CDH23: variants seen among roughly 807,000 people sequenced by gnomAD.
CDH23 encodes cadherin-23.
CDH23 carries 189 observed loss-of-function variants against 317.1 expected under a neutral mutation model. The observed-to-expected ratio is 0.60, with a 90% CI of 0.53 to 0.67. CDH23 has a LOEUF of 0.67. Among genes scored for constraint, CDH23 ranks in the 30% least tolerant of loss-of-function variants. The pLI is 0.00. For synonymous variants in CDH23, 1,839 were observed against 1,876.8 expected, an observed-to-expected ratio of 0.98 and a Z score of 0.52; for missense variants, 4,401 against 4,592.4, an observed-to-expected ratio of 0.96 and a Z score of 1.20.
In CDH23 at chr10:71,807,827, C is replaced by T. The variant is rs750168849; in HGVS notation, c.8561-19C>T. On this transcript the variant is annotated intron_variant, in intron 59 of 69. Transcript: ENST00000224721. Reference sequence around the variant, plus strand: ...GTGGCCCCTGCCCTGCCACTTACACCACCTGCCTCTTCCTGCAGGGGTGGC... The same window carrying T: ...GTGGCCCCTGCCCTGCCACTTACACTACCTGCCTCTTCCTGCAGGGGTGGC... The T allele has an allele frequency of 6.9e-6, 11 of 1,594,688 alleles. No homozygotes were observed. The highest frequency in any genetic ancestry group is 1.1e-5 in the South Asian group (1 of 88,300).
At chr10:71,408,708 G>T (rs1202652708) in intron 1 of CDH23, among the ~76,000 whole-genome samples, 1 of 152,200 alleles carries the variant, frequency 6.6e-6, no homozygotes, top group African/African-American at 2.4e-5. Context: ...TAATACAGCG[G>T]GAGAGAGGCT....
At chr10:71,670,773 G>A (rs141360118) in intron 14 of CDH23, among the ~76,000 whole-genome samples, 8 of 152,196 alleles carry the variant, frequency 5.3e-5, no homozygotes, top group African/African-American at 9.6e-5. Flanking sequence ...TTTAGCTACC[G>A]GCTTTGACTT....
At chr10:71,637,727 A>T (rs956380767) in intron 11 of CDH23, among the ~76,000 whole-genome samples, 1 of 151,998 alleles carries the variant, frequency 6.6e-6, no homozygotes, top group Admixed American at 6.5e-5. Context: ...CGCACTCCAG[A>T]TTCCCAGCCC....
Position 71,751,316 on chromosome 10 carries a change from A to C in CDH23, c.4845+9395A>C, listed in dbSNP as rs899177548. 1 of 1,606,222 alleles carries C rather than the reference A, an allele frequency of 6.2e-7. No homozygotes were observed. The highest frequency in any genetic ancestry group is 8.5e-7 in the Non-Finnish European group (1 of 1,175,804). On this transcript the variant is annotated intron_variant, in intron 38 of 69. Coordinates refer to ENST00000224721, the MANE Select transcript of CDH23 (RefSeq NM_022124.6). The surrounding 1 kb of genome is among the most constrained non-coding windows in gnomAD (Gnocchi z 4.9). ...CTGCAAGAAAAGGAGAAGCAAAGTG[A>C]ACGGGGCCCCTCTGCCCCTCACCCT...
intron 14 of CDH23, among the ~76,000 whole-genome samples, chr10:71,665,868 C>T (rs1265235829): frequency 2.6e-5 from 4 of 152,202 alleles, no homozygotes; most frequent in Admixed American, 2.6e-4. Flanking sequence ...GGGAGAAGCA[C>T]ATTTCTCACT....
At position 71,687,734 on chromosome 10, in the gene CDH23, C is replaced by G. The variant is rs778267394; in HGVS notation, c.2059+15C>G. 6.2e-7 allele frequency: 1 copy of G among 1,610,852 alleles called. No individual in the cohort carries two copies. Among genetic ancestry groups the G allele is most frequent in the Admixed American group, 1.7e-5 (1 of 59,892 alleles). ...CATCATGGCAGGTACAGGCTCAGGT[C>G]GGGGGGTGGGGGGCACATGGAGGTA... On this transcript the variant is annotated intron_variant, in intron 19 of 69. Coordinates refer to ENST00000224721, the MANE Select transcript of CDH23 (RefSeq NM_022124.6).
In CDH23 at chr10:71,403,408, T is replaced by TCTTCCTTCCTTC. The variant is rs1176829681; in HGVS notation, c.-6+6126_-6+6137dup. On this transcript the variant is annotated intron_variant, in intron 1 of 69. Transcript: ENST00000224721. The stretch of plus-strand genomic sequence containing the variant: ...CTTTCTTTCTTTCTTTCTTTCTTTC[T>TCTTCCTTCCTTC]CTTCCTTCCTTCCTTCCTTCCTTCC... Among the ~76,000 whole-genome samples the TCTTCCTTCCTTC allele has an allele frequency of 1.1e-4, 6 of 57,110 alleles. 2 individuals are homozygous for TCTTCCTTCCTTC. Among genetic ancestry groups the TCTTCCTTCCTTC allele is most frequent in the Admixed American group, 6.1e-4 (3 of 4,920 alleles). The allele number at this position is 57,110 out of a possible 152,430, so 37.5% of individuals were successfully genotyped here. A position where few individuals can be genotyped will look rare whatever the true frequency, so the allele number is the denominator to read the frequency against.
intron 3 of CDH23, among the ~76,000 whole-genome samples, chr10:71,455,212 A>AT (rs1326777919): frequency 1.3e-5 from 2 of 152,176 alleles, no homozygotes; most frequent in East Asian, 3.8e-4. Context: ...AATTGTACAG[A>AT]GTTCCCATAT....
rs771032895 is a variant in CDH23, at chr10:71,793,579, G to A, written c.6651G>A (p.Lys2217=). The A allele has an allele frequency of 5.0e-6, 8 of 1,611,116 alleles. No homozygotes were observed. The South Asian group carries it at 7.7e-5, about 15-fold the overall frequency. Residue 2217 remains lysine, a synonymous_variant, in exon 48 of 70, where the codon AAG becomes AAA. Coordinates refer to ENST00000224721, the MANE Select transcript of CDH23 (RefSeq NM_022124.6). ...ACCACATTGTCGGCATTGTGGCCAA[G>A]GACGACACTGATCGCCTGGTGCCCA... The part of the protein sequence containing the change: ...LEYHIVGIVA[K]DDTDRLVPNQ...
In CDH23 at chr10:71,647,096, C is replaced by G. The variant is rs1428564542; in HGVS notation, c.1449+479C>G. 6.1e-6 allele frequency: 6 copies of G among 984,910 alleles called. No individual in the cohort carries two copies. In the African/African-American group the frequency reaches 1.0e-4, roughly 17 times the overall value. 61.0% of individuals were successfully genotyped at this position (984,910 alleles called of 1,614,324 possible). A position where few individuals can be genotyped will look rare whatever the true frequency, so the allele number is the denominator to read the frequency against. ...CCAGTGTCATTTGTATCTGTCAGTACTCTTGGTTGCAAGGGACAGAAACCC... is the reference window on the plus strand; with the variant it reads ...CCAGTGTCATTTGTATCTGTCAGTAGTCTTGGTTGCAAGGGACAGAAACCC... On this transcript the variant is annotated intron_variant, in intron 14 of 69. Transcript: ENST00000224721.
At position 71,705,051 on chromosome 10, in the gene CDH23, C is replaced by A; in HGVS notation, c.2874C>A (p.Ile958=). 1 of 1,612,640 alleles carries A rather than the reference C, an allele frequency of 6.2e-7. No individual in the cohort carries two copies. The highest frequency in any genetic ancestry group is 8.5e-7 in the Non-Finnish European group (1 of 1,179,826). Residue 958 remains isoleucine, a synonymous_variant, in exon 25 of 70, where the codon ATC becomes ATA. Transcript: ENST00000224721. Reference sequence around the variant, plus strand: ...CCACCGAGCTGGACCGCGAGCGCATCGCGGAGTACCAGCTGCGGGTGGTGG... The same window carrying A: ...CCACCGAGCTGGACCGCGAGCGCATAGCGGAGTACCAGCTGCGGGTGGTGG... ...VTTTELDRER[I]AEYQLRVVAS... is the part of the protein sequence containing the mutation.
chr10:71,706,753 G>A (rs1030069861), intron 25 of CDH23, 144 bp from the exon 26 acceptor site: 8 of 1,369,628 alleles, frequency 5.8e-6, no homozygotes, highest in Middle Eastern at 2.6e-4. Context: ...ATGGCCAGGA[G>A]GTGTTGACAC....
intron 3 of CDH23, among the ~76,000 whole-genome samples, chr10:71,476,182 A>G (rs1029591655): frequency 2.6e-5 from 4 of 152,208 alleles, no homozygotes; most frequent in Non-Finnish European, 5.9e-5. Flanking sequence ...CCCTCCCAGG[A>G]AAAGTACAGG....
At chr10:71,707,406 G>A (rs1346429652) in intron 26 of CDH23, 3 of 1,323,218 alleles carry the variant, frequency 2.3e-6, no homozygotes, top group East Asian at 2.9e-5. Flanking sequence ...GCAGTGACTT[G>A]GAGGAATGTG....
intron 14 of CDH23, among the ~76,000 whole-genome samples, chr10:71,653,886 C>A (rs1863294851): frequency 1.3e-5 from 2 of 152,170 alleles, no homozygotes; most frequent in Non-Finnish European, 2.9e-5. Context: ...GGGTAAATGG[C>A]AGGTGTCTTA....
chr10:71,680,829 C>CTT (rs1312991062), intron 17 of CDH23, among the ~76,000 whole-genome samples: 894 of 70,134 alleles, frequency 0.013, 38 homozygotes, highest in African/African-American at 0.033. Context: ...TTTTCTTTTT[C>CTT]TTTTTTTTTT....
At chr10:71,781,269 C>T (rs1379281015) in intron 41 of CDH23, among the ~76,000 whole-genome samples, 3 of 152,198 alleles carry the variant, frequency 2.0e-5, no homozygotes, top group Non-Finnish European at 2.9e-5. Flanking sequence ...ATGAGAGCCC[C>T]TGCTGCCCAG....
chr10:71,687,612 T>C (rs1257707840), intron 18 of CDH23, 35 bp from the exon 19 acceptor site: 1 of 1,607,372 alleles, frequency 6.2e-7, no homozygotes, highest in Non-Finnish European at 8.5e-7. Flanking sequence ...CCTGCCTCCC[T>C]GCAGCCTCCT....
chr10:71,419,443 C>T lies in CDH23; in HGVS notation c.-5-20384C>T, dbSNP rs564502640. The stretch of plus-strand genomic sequence containing the variant: ...GCCCTTTAACATGGACATGCAGGGA[C>T]ATTACCCCATGGAAAGTCTCTAGCC... On this transcript the variant is annotated intron_variant, in intron 1 of 69. Coordinates refer to ENST00000224721, the MANE Select transcript of CDH23 (RefSeq NM_022124.6). Among the ~76,000 whole-genome samples, 140 of 152,284 alleles carry T rather than the reference C, an allele frequency of 9.2e-4. 3 individuals are homozygous for T. The South Asian group carries it at 0.029, about 31-fold the overall frequency.
Sources: gnomAD v4.1 joint callset for allele counts (sites outside exome capture counted in the v4.1 genomes callset) on GRCh38, gnomAD v4.1.1 for gene constraint, Gnocchi (gnomAD v3.1) non-coding constraint, MANE v1.5 for transcripts, NCBI Gene and HGNC (gene_info 2026-07-23, HGNC 2026-07-21) for gene names.